The following AFG1L variants were observed in gnomAD, a reference collection of about 807,000 sequenced individuals.
AFG1L encodes AFG1-like ATPase.
In AFG1L, 53 loss-of-function variants were observed where a neutral mutation model predicts 62.2. The ratio of observed to expected loss-of-function variants is 0.85; its 90% CI spans 0.68 to 1.07. The LOEUF (loss-of-function observed/expected upper bound fraction) is 1.07. AFG1L is among the 50% of genes least tolerant of loss of function. The pLI, the probability that AFG1L is intolerant of heterozygous loss-of-function variation, is 0.00. For synonymous variants in AFG1L, 228 were observed against 210.3 expected, an observed-to-expected ratio of 1.08 and a Z score of -0.73; for missense variants, 555 against 590.5, an observed-to-expected ratio of 0.94 and a Z score of 0.62.
intron 1 of AFG1L, among the ~76,000 whole-genome samples, chr6:108,296,183 C>T (rs557884354): frequency 1.1e-4 from 17 of 152,240 alleles, no homozygotes; most frequent in South Asian, 6.2e-4. Flanking sequence ...GGTCACCTTA[C>T]GTCTTTCTGC....
chr6:108,336,574 C>A (rs1435047361), intron 2 of AFG1L, among the ~76,000 whole-genome samples: 1 of 152,106 alleles, frequency 6.6e-6, no homozygotes, highest in Non-Finnish European at 1.5e-5. Flanking sequence ...GACATACATT[C>A]TTTTAGTTTG....
intron 8 of AFG1L, among the ~76,000 whole-genome samples, chr6:108,466,877 G>A (rs933432239): frequency 2.0e-5 from 3 of 151,186 alleles, no homozygotes; most frequent in Non-Finnish European, 1.5e-5. Context: ...ACCCATCACC[G>A]GTAAAATGAT....
chr6:108,319,794 ATTAT>A (rs767821334), intron 1 of AFG1L: 242 of 434,254 alleles, frequency 5.6e-4, no homozygotes, highest in South Asian at 9.2e-4. Context: ...AAAATTAGGT[ATTAT>A]TTATTTATTT....
intron 7 of AFG1L, among the ~76,000 whole-genome samples, chr6:108,441,072 A>G (rs564303394): frequency 6.6e-6 from 1 of 152,192 alleles, no homozygotes; most frequent in Non-Finnish European, 1.5e-5. Context: ...AAATGCTAAG[A>G]TGGGCAAATC....
chr6:108,317,050 A>G (rs1777631785), intron 1 of AFG1L, among the ~76,000 whole-genome samples: 2 of 152,194 alleles, frequency 1.3e-5, no homozygotes, highest in Admixed American at 6.5e-5. Flanking sequence ...GACCTTGTTA[A>G]GAAAAAAAAG....
chr6:108,516,758 G>A (rs1286596322), intron 11 of AFG1L, among the ~76,000 whole-genome samples: 5 of 152,130 alleles, frequency 3.3e-5, no homozygotes, highest in African/African-American at 9.7e-5. Context: ...AAACCCCATC[G>A]TCTCAGCCCA....
At chr6:108,326,462 G>A (rs1181916793) in intron 2 of AFG1L, among the ~76,000 whole-genome samples, 1 of 152,130 alleles carries the variant, frequency 6.6e-6, no homozygotes, top group African/African-American at 2.4e-5. Context: ...GAAAACTCCT[G>A]TTCCTTATCT....
intron 6 of AFG1L, among the ~76,000 whole-genome samples, chr6:108,396,773 G>C (rs1030053978): frequency 3.3e-5 from 5 of 152,012 alleles, no homozygotes; most frequent in Non-Finnish European, 7.4e-5. Flanking sequence ...TTACAGGCTT[G>C]AGCCACTGCA....
rs539232525 is a variant in AFG1L, at chr6:108,422,477, C to CAAAAA, written c.807+20441_807+20445dup. On this transcript the variant is annotated intron_variant, in intron 7 of 12. Transcript: ENST00000368977. ...ATATTTTTTTAAAATTAGTCCTCAG[C>CAAAAA]AAAAAAAAAAAAAAAAAAAAAAGAA... 4.0e-3 allele frequency among the ~76,000 whole-genome samples: 184 copies of CAAAAA among 45,542 alleles called. 2 individuals carry two copies. The highest frequency in any genetic ancestry group is 0.024 in the Middle Eastern group (1 of 42). 29.9% of individuals were successfully genotyped at this position (45,542 alleles called of 152,430 possible).
intron 6 of AFG1L, among the ~76,000 whole-genome samples, chr6:108,383,584 G>A (rs1367419335): frequency 2.0e-5 from 3 of 152,014 alleles, no homozygotes; most frequent in Non-Finnish European, 2.9e-5. Context: ...AACATAAGAA[G>A]CTCTGCCAGA....
At chr6:108,378,694 T>C (rs112732316) in intron 6 of AFG1L, among the ~76,000 whole-genome samples, 1 of 152,116 alleles carries the variant, frequency 6.6e-6, no homozygotes, top group African/African-American at 2.4e-5. Context: ...TCTAGTGAAA[T>C]TTTTTGGTGG....
At chr6:108,399,438 G>T (rs1048996700) in intron 6 of AFG1L, among the ~76,000 whole-genome samples, 3 of 151,558 alleles carry the variant, frequency 2.0e-5, no homozygotes, top group Non-Finnish European at 4.4e-5. Context: ...TGCCTGCCTC[G>T]ACCTCCCAAA....
intron 10 of AFG1L, among the ~76,000 whole-genome samples, chr6:108,503,065 T>C (rs1335786940): frequency 6.6e-6 from 1 of 152,200 alleles, no homozygotes; most frequent in Non-Finnish European, 1.5e-5. Flanking sequence ...TCTAGTTCTC[T>C]TGCCATATCT....
intron 10 of AFG1L, among the ~76,000 whole-genome samples, chr6:108,484,376 A>T (rs1056543881): frequency 1.3e-5 from 2 of 152,188 alleles, no homozygotes; most frequent in African/African-American, 2.4e-5. Flanking sequence ...AATGGGTCAG[A>T]TTCTTGTAGG....
rs1192964994 is a variant in AFG1L, at chr6:108,523,682, G to A, written c.*1257G>A. ...TGGCCACTCTAGCCATCTCCTGGCA[G>A]GGGTAGTGTGGCACAGCATGGCCCT... On this transcript the variant is annotated 3_prime_UTR_variant, in exon 13 of 13. Coordinates refer to ENST00000368977, the MANE Select transcript of AFG1L (RefSeq NM_145315.5). 3 of 151,936 alleles carry A rather than the reference G, an allele frequency of 2.0e-5. No individual in the cohort carries two copies. The highest frequency in any genetic ancestry group is 2.0e-4 in the Admixed American group (3 of 15,254). 9.4% of individuals were successfully genotyped at this position (151,936 alleles called of 1,614,324 possible). A position where few individuals can be genotyped will look rare whatever the true frequency, so the allele number is the denominator to read the frequency against.
At position 108,323,902 on chromosome 6, in the gene AFG1L, C is replaced by T; in HGVS notation, c.217C>T (p.His73Tyr). The change falls in exon 2 of 13, where the codon CAT (histidine) becomes TAT (tyrosine). Residue 73 changes from histidine (H) to tyrosine (Y), a missense_variant. Physicochemically the swap from His to Tyr is moderately conservative, Grantham distance 83. Transcript: ENST00000368977. ...TTATTTGAAAGCTTTGGCCGTTTGC[C>T]ATGGACCTCTGGACCACTATGATTT... ...ETYLKALAVCHGPLDHYDFLI... is the reference protein window; with the variant it reads ...ETYLKALAVCYGPLDHYDFLI... 6.2e-7 allele frequency: 1 copy of T among 1,614,170 alleles called. No individual in the cohort carries two copies. Among genetic ancestry groups the T allele is most frequent in the Non-Finnish European group, 8.5e-7 (1 of 1,180,036 alleles).
intron 6 of AFG1L, among the ~76,000 whole-genome samples, chr6:108,381,035 A>C (rs1780488103): frequency 6.6e-6 from 1 of 152,198 alleles, no homozygotes; most frequent in South Asian, 2.1e-4. Flanking sequence ...TTTATATACT[A>C]TCTTGCTATT....
chr6:108,304,374 T>G (rs184074466), intron 1 of AFG1L, among the ~76,000 whole-genome samples: 56 of 152,358 alleles, frequency 3.7e-4, no homozygotes, highest in Non-Finnish European at 5.9e-4. Context: ...AGCTGAATAT[T>G]TATCTTTTGG....
At chr6:108,364,053 T>C (rs1311748279) in intron 5 of AFG1L, among the ~76,000 whole-genome samples, 1 of 152,184 alleles carries the variant, frequency 6.6e-6, no homozygotes, top group African/African-American at 2.4e-5. Flanking sequence ...TTAATGCTAA[T>C]GAAATGTCTC....
Sources: allele counts gnomAD v4.1 joint callset (sites outside exome capture counted in the v4.1 genomes callset), GRCh38; gene constraint gnomAD v4.1.1; transcripts MANE v1.5; gene names NCBI Gene and HGNC (gene_info 2026-07-23, HGNC 2026-07-21).